CENPK: variants seen among roughly 807,000 people sequenced by gnomAD.
CENPK encodes the protein centromere protein K, also known as SoxLZ/Sox6-binding protein Solt.
In CENPK, 46 loss-of-function variants were observed where a neutral mutation model predicts 40.9. The ratio of observed to expected loss-of-function variants is 1.13; its 90% CI spans 0.89 to 1.44. The LOEUF is 1.44. Among genes scored for constraint, CENPK ranks in the 40% most tolerant of loss-of-function variants. CENPK has a pLI of 0.00. For synonymous variants in CENPK, 107 were observed against 104.4 expected, an observed-to-expected ratio of 1.02 and a Z score of -0.15; for missense variants, 288 against 303.5, an observed-to-expected ratio of 0.95 and a Z score of 0.38.
At chr5:65,509,549 G>GT in the CENPK span, among the ~76,000 whole-genome samples, 1 of 152,166 alleles carries the variant, frequency 6.6e-6, no homozygotes, top group African/African-American at 2.4e-5. Flanking sequence ...ACTGAAGAAT[G>GT]TCGGTGTTCC....
chr5:65,554,320 T>C (rs559956405), intron 3 of CENPK, among the ~76,000 whole-genome samples: 10 of 152,044 alleles, frequency 6.6e-5, no homozygotes, highest in Admixed American at 1.3e-4. Flanking sequence ...CCCAGCTAAT[T>C]TGTGTATTTT....
intron 2 of CENPK, among the ~76,000 whole-genome samples, chr5:65,560,593 A>G (rs1224033563): frequency 1.3e-5 from 2 of 152,242 alleles, no homozygotes; most frequent in East Asian, 1.9e-4. Context: ...TGAGGAATTC[A>G]AAGAAAAAAC....
At chr5:65,507,729 A>G in the CENPK span, among the ~76,000 whole-genome samples, 4 of 152,240 alleles carry the variant, frequency 2.6e-5, no homozygotes, top group African/African-American at 9.6e-5. Flanking sequence ...AGTATTAACT[A>G]AACTGTAGAC....
chr5:65,508,888 T>C, the CENPK span, among the ~76,000 whole-genome samples: 10 of 149,226 alleles, frequency 6.7e-5, no homozygotes, highest in Non-Finnish European at 1.5e-5. Context: ...AAAAACACAA[T>C]CTATGAAAGA....
At chr5:65,549,722 C>T (rs1194855862) in intron 5 of CENPK, among the ~76,000 whole-genome samples, 1 of 152,192 alleles carries the variant, frequency 6.6e-6, no homozygotes, top group Non-Finnish European at 1.5e-5. Flanking sequence ...GCTTCCTCAT[C>T]TCTCTCAGCC....
chr5:65,522,719 CA>C (rs1418798662), intron 9 of CENPK, among the ~76,000 whole-genome samples: 2 of 152,184 alleles, frequency 1.3e-5, no homozygotes, highest in African/African-American at 4.8e-5. Context: ...TGTGAGCCAC[CA>C]TACCCCACCT....
downstream of CENPK, among the ~76,000 whole-genome samples, chr5:65,513,174 G>C (rs540515650): frequency 2.0e-5 from 3 of 152,192 alleles, no homozygotes; most frequent in Admixed American, 6.5e-5. Flanking sequence ...TTTTAATAAA[G>C]TCCAACTAAT....
At chr5:65,523,380 C>G (rs559061243) in intron 9 of CENPK, among the ~76,000 whole-genome samples, 1 of 152,188 alleles carries the variant, frequency 6.6e-6, no homozygotes, top group African/African-American at 2.4e-5. Context: ...TTGCCTACTA[C>G]GGTGACAACT....
the CENPK span, among the ~76,000 whole-genome samples, chr5:65,510,492 C>T: frequency 3.3e-5 from 5 of 151,924 alleles, no homozygotes; most frequent in African/African-American, 7.2e-5. Context: ...TGAAAAATGG[C>T]GTCCGGGCAC....
intron 5 of CENPK, chr5:65,551,249 C>CA (rs58442174): frequency 0.1 from 11,400 of 110,542 alleles, 459 homozygotes; most frequent in East Asian, 0.14. Flanking sequence ...GACCCTGTCT[C>CA]AAAAAAAAAA....
At chr5:65,521,656 A>G in intron 9 of CENPK, 128 bp from the exon 10 acceptor site, 1 of 667,592 alleles carries the variant, frequency 1.5e-6, no homozygotes, top group Non-Finnish European at 2.6e-6. Context: ...GCTGGAGTGC[A>G]ATGGCGCAAT....
At position 65,529,029 on chromosome 5, in the gene CENPK, G is replaced by C; in HGVS notation, c.372-12C>G. 1 of 1,587,446 alleles carries C rather than the reference G, an allele frequency of 6.3e-7. No homozygotes were observed. Among genetic ancestry groups the C allele is most frequent in the Non-Finnish European group, 8.6e-7 (1 of 1,159,362 alleles). ...ACCACCGTTGTTCCCTTTCGACATG[G>C]AAAAACAATACAAGCAATATCTAAA... On this transcript the variant is annotated splice_polypyrimidine_tract_variant and intron_variant, in intron 7 of 10. Transcript: ENST00000396679.
intron 9 of CENPK, among the ~76,000 whole-genome samples, chr5:65,525,875 G>A (rs1243406022): frequency 3.4e-5 from 5 of 147,582 alleles, no homozygotes; most frequent in Non-Finnish European, 6.0e-5. Flanking sequence ...AAACCAACCC[G>A]ACAGTACCTT....
chr5:65,543,151 A>G (rs918088436), intron 5 of CENPK, among the ~76,000 whole-genome samples: 1 of 152,196 alleles, frequency 6.6e-6, no homozygotes, highest in Non-Finnish European at 1.5e-5. Context: ...TTTAGTAGAG[A>G]TGGGATTTCA....
intron 6 of CENPK, among the ~76,000 whole-genome samples, chr5:65,538,492 T>C (rs1264969570): frequency 6.6e-6 from 1 of 152,206 alleles, no homozygotes; most frequent in Non-Finnish European, 1.5e-5. Context: ...ATTAGCAATT[T>C]CTTTAAGTCA....
At chr5:65,510,649 G>A in the CENPK span, among the ~76,000 whole-genome samples, 16 of 151,950 alleles carry the variant, frequency 1.1e-4, no homozygotes, top group African/African-American at 3.4e-4. Flanking sequence ...GGTGGTGCAC[G>A]CCTGTAATCC....
chr5:65,525,967 C>G (rs1744636537), intron 9 of CENPK, among the ~76,000 whole-genome samples: 1 of 151,894 alleles, frequency 6.6e-6, no homozygotes, highest in Admixed American at 6.6e-5. Context: ...TTATCACAGC[C>G]CAAGTAGACT....
Position 65,542,835 on chromosome 5 carries a change from A to G in CENPK, c.255T>C (p.Thr85=). The G allele has an allele frequency of 1.9e-6, 3 of 1,610,734 alleles. No individual in the cohort carries two copies. Among genetic ancestry groups the G allele is most frequent in the Non-Finnish European group, 2.5e-6 (3 of 1,178,608 alleles). The change falls in exon 6 of 11, where the codon ACT becomes ACC. Residue 85 remains threonine (T), a synonymous_variant. Coordinates refer to ENST00000396679, the MANE Select transcript of CENPK (RefSeq NM_022145.5). ...QKKTPETIPL[T]EDVLITLGKE... Reference sequence around the variant, plus strand: ...TTCCTAATGTTATGAGAACGTCTTCAGTCAAGGGAATTGCTACAAAAACAA... The same window carrying G: ...TTCCTAATGTTATGAGAACGTCTTCGGTCAAGGGAATTGCTACAAAAACAA...
Position 65,561,482 on chromosome 5 carries a change from T to A in CENPK, c.-59A>T. ...CTCTACCGCTTGAGGATGCAAGATG[T>A]AAGCTGTATGTAACCTGGAAGAGGG... On this transcript the variant is annotated 5_prime_UTR_variant, in exon 2 of 11. Transcript: ENST00000396679. The A allele has an allele frequency of 2.2e-6, 1 of 455,964 alleles. No individual in the cohort carries two copies. The highest frequency in any genetic ancestry group is 1.5e-5 in the South Asian group (1 of 64,550). The allele number at this position is 455,964 out of a possible 1,614,324, so 28.2% of individuals were successfully genotyped here. A position where few individuals can be genotyped will look rare whatever the true frequency, so the allele number is the denominator to read the frequency against.
Sources: gnomAD v4.1 joint callset for allele counts (sites outside exome capture counted in the v4.1 genomes callset) on GRCh38, gnomAD v4.1.1 for gene constraint, MANE v1.5 for transcripts, NCBI Gene and HGNC (gene_info 2026-07-23, HGNC 2026-07-21) for gene names.